The following FAM135B variants were observed in gnomAD, a reference collection of about 807,000 sequenced individuals.
FAM135B encodes protein FAM135B.
In FAM135B, 43 loss-of-function variants were observed where a neutral mutation model predicts 127.7. That is an observed-to-expected ratio of 0.34 (90% confidence interval 0.26 to 0.43). FAM135B has a LOEUF of 0.43. Among genes scored for constraint, FAM135B ranks in the 20% least tolerant of loss-of-function variants. FAM135B has a pLI of 1.00. For missense variants in FAM135B, 1,558 were observed against 1,725.6 expected (o/e 0.90, Z 1.72); for synonymous variants, 670 against 665.1 (o/e 1.01, Z -0.11).
chr8:138,426,010 TATAC>T (rs1383824149), intron 1 of FAM135B, among the ~76,000 whole-genome samples: 266 of 16,130 alleles, frequency 0.016, 15 homozygotes, highest in Admixed American at 0.085. Context: ...TATATATATA[TATAC>T]ACACACATAC....
intron 9 of FAM135B, among the ~76,000 whole-genome samples, chr8:138,190,921 G>T (rs1200291633): frequency 6.6e-6 from 1 of 152,154 alleles, no homozygotes; most frequent in Non-Finnish European, 1.5e-5. Flanking sequence ...CCAAACCAAT[G>T]CAGATCTTAC....
intron 2 of FAM135B, among the ~76,000 whole-genome samples, chr8:138,334,001 C>T (rs1397032606): frequency 1.3e-5 from 2 of 152,212 alleles, no homozygotes; most frequent in South Asian, 4.1e-4. Flanking sequence ...TGGATCACTG[C>T]AACATCTGCC....
At chr8:138,271,026 T>C (rs1313591349) in intron 3 of FAM135B, among the ~76,000 whole-genome samples, 1 of 152,190 alleles carries the variant, frequency 6.6e-6, no homozygotes, top group Non-Finnish European at 1.5e-5. Flanking sequence ...AGCAAGGGAC[T>C]GATGAGATTC....
intron 2 of FAM135B, among the ~76,000 whole-genome samples, chr8:138,359,544 T>C (rs369034093): frequency 2.6e-5 from 4 of 152,210 alleles, no homozygotes; most frequent in East Asian, 1.9e-4. Flanking sequence ...AGTTGTTTCT[T>C]AGTCAAGCAA....
chr8:138,471,147 AAT>A (rs1341017917), intron 1 of FAM135B, among the ~76,000 whole-genome samples: 1 of 152,198 alleles, frequency 6.6e-6, no homozygotes, highest in African/African-American at 2.4e-5. Flanking sequence ...CCATTCTGAG[AAT>A]ATCAAATGCA....
intron 11 of FAM135B, among the ~76,000 whole-genome samples, chr8:138,176,728 G>C (rs1050552109): frequency 6.6e-6 from 1 of 152,172 alleles, no homozygotes; most frequent in Non-Finnish European, 1.5e-5. Flanking sequence ...TTTAATGTTT[G>C]AGGTGAACGT....
chr8:138,353,361 G>A (rs1190371949), intron 2 of FAM135B, among the ~76,000 whole-genome samples: 5 of 152,134 alleles, frequency 3.3e-5, no homozygotes, highest in African/African-American at 1.2e-4. Context: ...TGACTCCTGA[G>A]CTGATATCAG....
At chr8:138,338,214 C>A (rs935624295) in intron 2 of FAM135B, among the ~76,000 whole-genome samples, 1 of 151,762 alleles carries the variant, frequency 6.6e-6, no homozygotes, top group Non-Finnish European at 1.5e-5. Flanking sequence ...GACTTCATGT[C>A]TAAAACACCA....
chr8:138,469,009 G>A lies in FAM135B; in HGVS notation c.-20+27662C>T, dbSNP rs144504752. Among the ~76,000 whole-genome samples the A allele has an allele frequency of 9.4e-4, 142 of 151,842 alleles. 3 individuals are homozygous for A. The East Asian group carries it at 0.013, about 14-fold the overall frequency. On this transcript the variant is annotated intron_variant, in intron 1 of 19. Coordinates refer to ENST00000395297, the MANE Select transcript of FAM135B (RefSeq NM_015912.4). ...CAGTGAGCCAAGATACAGCCAGTGC[G>A]CTCCAGCCTGGGCGACAGAACAAGA...
intron 1 of FAM135B, among the ~76,000 whole-genome samples, chr8:138,463,988 A>T (rs1477632960): frequency 6.6e-6 from 1 of 152,250 alleles, no homozygotes; most frequent in Non-Finnish European, 1.5e-5. Flanking sequence ...CTACAACTGC[A>T]TGAGATTATC....
At chr8:138,486,535 A>G (rs1234230127) in intron 1 of FAM135B, among the ~76,000 whole-genome samples, 1 of 152,168 alleles carries the variant, frequency 6.6e-6, no homozygotes, top group Non-Finnish European at 1.5e-5. Context: ...CCCACAGCTG[A>G]CGGGAGCTGC....
chr8:138,274,621 G>A (rs113557066), intron 3 of FAM135B, among the ~76,000 whole-genome samples: 2 of 152,194 alleles, frequency 1.3e-5, no homozygotes, highest in South Asian at 2.1e-4. Context: ...GCCTGGGAGC[G>A]CTATGGGAGA....
chr8:138,240,719 C>A (rs1820691047), intron 7 of FAM135B, among the ~76,000 whole-genome samples: 1 of 152,094 alleles, frequency 6.6e-6, no homozygotes, highest in Admixed American at 6.5e-5. Context: ...TCAGAGAGTA[C>A]TTTCATATTA....
chr8:138,170,311 C>T (rs1199868662), intron 11 of FAM135B, among the ~76,000 whole-genome samples: 1 of 151,468 alleles, frequency 6.6e-6, no homozygotes, highest in Non-Finnish European at 1.5e-5. Context: ...CAACCTCCAC[C>T]TCCTGGGTTC....
chr8:138,135,641 C>T (rs917954601), intron 19 of FAM135B, among the ~76,000 whole-genome samples: 1 of 152,176 alleles, frequency 6.6e-6, no homozygotes, highest in African/African-American at 2.4e-5. Flanking sequence ...AGTAGTAACT[C>T]ATTAACATTT....
chr8:138,422,071 A>G (rs1834543533), intron 1 of FAM135B, among the ~76,000 whole-genome samples: 1 of 152,184 alleles, frequency 6.6e-6, no homozygotes, highest in African/African-American at 2.4e-5. Flanking sequence ...AGCCATAAGC[A>G]GAAGATTAAA....
chr8:138,408,057 A>G (rs1288067489), intron 1 of FAM135B, among the ~76,000 whole-genome samples: 1 of 152,174 alleles, frequency 6.6e-6, no homozygotes, highest in Non-Finnish European at 1.5e-5. Context: ...GGCAGAGTAG[A>G]TTTAGTGTAA....
intron 1 of FAM135B, among the ~76,000 whole-genome samples, chr8:138,464,541 A>T (rs2131627920): frequency 6.6e-6 from 1 of 152,326 alleles, no homozygotes; most frequent in Non-Finnish European, 1.5e-5. Context: ...TGAACACATG[A>T]AACATTAGCC....
chr8:138,294,257 G>C (rs974722054), intron 3 of FAM135B, among the ~76,000 whole-genome samples: 1 of 151,952 alleles, frequency 6.6e-6, no homozygotes, highest in Non-Finnish European at 1.5e-5. Flanking sequence ...AGAGTGGAAG[G>C]GGGTGAAAGA....
Sources: allele counts gnomAD v4.1 joint callset (sites outside exome capture counted in the v4.1 genomes callset), GRCh38; gene constraint gnomAD v4.1.1; transcripts MANE v1.5; gene names NCBI Gene and HGNC (gene_info 2026-07-23, HGNC 2026-07-21).